TRIO: variants seen among roughly 807,000 people sequenced by gnomAD.
TRIO encodes the protein trio Rho guanine nucleotide exchange factor, also known as triple functional domain protein.
In TRIO, 58 loss-of-function variants were observed where a neutral mutation model predicts 351.9. That is an observed-to-expected ratio of 0.16 (90% CI 0.13 to 0.21). TRIO has a LOEUF of 0.21. Among genes scored for constraint, TRIO ranks in the 10% least tolerant of loss-of-function variants. The probability of loss-of-function intolerance (pLI) is 1.00; values close to 1 mark genes in which losing one functional copy is unlikely to be tolerated. For missense variants in TRIO, 3,201 were observed against 4,027.8 expected, an observed-to-expected ratio of 0.79 and a Z score of 5.56; for synonymous variants, 1,758 against 1,595.7, an observed-to-expected ratio of 1.10 and a Z score of -2.42.
chr5:14,400,887 C>T (rs1465502281), intron 30 of TRIO, 76 bp from the exon 31 acceptor site: 1 of 1,399,452 alleles, frequency 7.1e-7, no homozygotes, highest in Non-Finnish European at 9.9e-7. Flanking sequence ...TAACCAAAAC[C>T]TGTTTCCTTG....
At chr5:14,415,052 T>G (rs2152386402) in intron 33 of TRIO, among the ~76,000 whole-genome samples, 1 of 152,344 alleles carries the variant, frequency 6.6e-6, no homozygotes, top group Non-Finnish European at 1.5e-5. Context: ...GTGTGAAACC[T>G]TCACGGAACC....
intron 54 of TRIO, among the ~76,000 whole-genome samples, chr5:14,503,217 T>C (rs1235156795): frequency 6.6e-6 from 1 of 152,250 alleles, no homozygotes; most frequent in Admixed American, 6.5e-5. Context: ...GTGTCCCATG[T>C]GGCAGGAAGA....
chr5:14,335,195 A>T (rs566657051), intron 10 of TRIO, among the ~76,000 whole-genome samples: 1 of 152,180 alleles, frequency 6.6e-6, no homozygotes, highest in South Asian at 2.1e-4. Flanking sequence ...GGCTCCCATT[A>T]TCCCTCAGGT....
chr5:14,166,206 G>A (rs1581259146), intron 1 of TRIO, among the ~76,000 whole-genome samples: 1 of 152,202 alleles, frequency 6.6e-6, no homozygotes, highest in South Asian at 2.1e-4. Flanking sequence ...GGGGTAAGCC[G>A]TGCCTGGGGG....
intron 46 of TRIO, among the ~76,000 whole-genome samples, chr5:14,483,776 T>A (rs1213900769): frequency 1.3e-5 from 2 of 152,116 alleles, no homozygotes; most frequent in Non-Finnish European, 2.9e-5. Context: ...CCCTCCAGAC[T>A]CCGCCTTTTG....
rs1191523899 is a variant in TRIO at position 14,143,791 on chromosome 5, C to A, written c.66C>A (p.Ser22Arg). 9.7e-7 allele frequency: 1 copy of A among 1,036,076 alleles called. No individual in the cohort carries two copies. 64.2% of individuals were successfully genotyped at this position (1,036,076 alleles called of 1,614,324 possible). A position where few individuals can be genotyped will look rare whatever the true frequency, so the allele number is the denominator to read the frequency against. Residue 22 changes from serine (S) to arginine (R), a missense_variant, in exon 1 of 57, where the codon AGC becomes AGA. Physicochemically the swap from Ser to Arg is moderately radical, Grantham distance 110. Transcript: ENST00000344204. ...CCTCCGGCCCCGCCGCGGCGGCCAG[C>A]GCGGCTGGCTCGGGCTGCGGGGGCG... ...AASSGPAAAA[S>R]AAGSGCGGGA...
intron 48 of TRIO, chr5:14,492,331 A>T: frequency 1.8e-6 from 1 of 566,658 alleles, no homozygotes; most frequent in Non-Finnish European, 3.1e-6. Flanking sequence ...TATTGCAGTG[A>T]ATTTTTTAAG....
At position 14,507,888 on chromosome 5, in the gene TRIO, T is replaced by C; in HGVS notation, c.8760T>C (p.Asn2920=). 3 of 1,612,838 alleles carry C rather than the reference T, an allele frequency of 1.9e-6. No homozygotes were observed. Among genetic ancestry groups the C allele is most frequent in the Non-Finnish European group, 2.5e-6 (3 of 1,179,208 alleles). Residue 2920 remains asparagine (N), a synonymous_variant, in exon 57 of 57, where the codon AAT becomes AAC. Transcript: ENST00000344204. ...RIAHLDLKPE[N]ILVDESLAKP... ...TGTATTCTGATTTCCAGCCTGAGAA[T>C]ATCCTGGTGGATGAGAGTTTAGCCA...
In TRIO at chr5:14,306,233, C is replaced by T. The variant is rs540689686; in HGVS notation, c.1500+1641C>T. ...GATACAGTTTTTTCAAGTAACATTT[C>T]GTGTTGGCTATGGAATTAAGAAAGT... On this transcript the variant is annotated intron_variant, in intron 8 of 56. Transcript: ENST00000344204. Among the ~76,000 whole-genome samples, 10 of 151,088 alleles carry T rather than the reference C, an allele frequency of 6.6e-5. No individual in the cohort carries two copies. In the South Asian group the frequency reaches 1.5e-3, roughly 22 times the overall value.
intron 21 of TRIO, among the ~76,000 whole-genome samples, chr5:14,382,312 T>C (rs1039958294): frequency 3.3e-5 from 5 of 152,214 alleles, no homozygotes; most frequent in African/African-American, 1.2e-4. Flanking sequence ...TATTTGTCCA[T>C]GTTTATGTTT....
chr5:14,211,590 GT>G lies in TRIO; in HGVS notation c.158-59217del, dbSNP rs33992664. 5.3e-3 allele frequency among the ~76,000 whole-genome samples: 639 copies of G among 120,036 alleles called. 2 individuals carry two copies. Among genetic ancestry groups the G allele is most frequent in the African/African-American group, 6.1e-3 (191 of 31,416 alleles). 78.7% of individuals were successfully genotyped at this position (120,036 alleles called of 152,430 possible). On this transcript the variant is annotated intron_variant, in intron 1 of 56. Coordinates refer to ENST00000344204, the MANE Select transcript of TRIO (RefSeq NM_007118.4). ...AGAGCTTTCCTGAGCACACTCAGTT[GT>G]TTTTTTTTTTTTTTTTTGTAAATTT... is the stretch of plus-strand genomic sequence containing the variant.
At position 14,364,528 on chromosome 5, in the gene TRIO, AT is replaced by A. The variant is rs1165932313; in HGVS notation, c.2588-121del. ...GCCCTCCTTGAACTTGCCCTTCAGC[AT>A]AATGGCTTGGCCCCCAGCTGGGCAG... On this transcript the variant is annotated intron_variant, in intron 14 of 56. Coordinates refer to ENST00000344204, the MANE Select transcript of TRIO (RefSeq NM_007118.4). The A allele has an allele frequency of 5.6e-6, 7 of 1,251,930 alleles. No homozygotes were observed. In the African/African-American group the frequency reaches 1.1e-4, roughly 19 times the overall value. The allele number at this position is 1,251,930 out of a possible 1,614,324, so 77.6% of individuals were successfully genotyped here.
chr5:14,220,919 C>T (rs748627492), intron 1 of TRIO, among the ~76,000 whole-genome samples: 2 of 152,200 alleles, frequency 1.3e-5, no homozygotes, highest in Non-Finnish European at 2.9e-5. Context: ...TCAGTGTAGG[C>T]AAAACAGCCT....
At chr5:14,478,032 A>G (rs1755219792) in intron 41 of TRIO, among the ~76,000 whole-genome samples, 1 of 152,188 alleles carries the variant, frequency 6.6e-6, no homozygotes, top group Non-Finnish European at 1.5e-5. Context: ...TCTAGCAGAT[A>G]CCCAAGAGTA....
intron 48 of TRIO, among the ~76,000 whole-genome samples, chr5:14,490,147 C>T (rs1211161369): frequency 7.2e-6 from 1 of 139,394 alleles, no homozygotes; most frequent in Non-Finnish European, 1.6e-5. Flanking sequence ...GGTGAGCTGG[C>T]ACGCACCTAT....
intron 13 of TRIO, 48 bp from the exon 14 acceptor site, chr5:14,363,684 G>A (rs1413012618): frequency 3.8e-6 from 6 of 1,563,482 alleles, no homozygotes; most frequent in Non-Finnish European, 5.3e-6. Flanking sequence ...AGTGAGAGGT[G>A]GCTGCATGTA....
intron 1 of TRIO, among the ~76,000 whole-genome samples, chr5:14,174,379 C>T (rs1211347250): frequency 1.3e-5 from 2 of 152,202 alleles, no homozygotes; most frequent in Non-Finnish European, 2.9e-5. Context: ...ACAGGCAAGC[C>T]CCAGCAAAGC....
chr5:14,498,277 T>C (rs996548767), intron 52 of TRIO, 26 bp downstream of exon 52: 1 of 1,606,408 alleles, frequency 6.2e-7, no homozygotes, highest in Non-Finnish European at 8.5e-7. Context: ...TCCTGGTGGG[T>C]TTCGCTGGCT....
intron 16 of TRIO, among the ~76,000 whole-genome samples, chr5:14,367,958 C>G (rs887908726): frequency 6.6e-6 from 1 of 152,130 alleles, no homozygotes; most frequent in Non-Finnish European, 1.5e-5. Flanking sequence ...TTTATGGGAT[C>G]ATTTGTACTT....
Sources: allele counts gnomAD v4.1 joint callset (sites outside exome capture counted in the v4.1 genomes callset), GRCh38; gene constraint gnomAD v4.1.1; transcripts MANE v1.5; gene names NCBI Gene and HGNC (gene_info 2026-07-23, HGNC 2026-07-21).